Variants in INPP4B observed in about 807,000 individuals in gnomAD.
The protein encoded by INPP4B is inositol polyphosphate-4-phosphatase type II B.
In INPP4B, 55 loss-of-function variants were observed where a neutral mutation model predicts 122.5. The observed-to-expected ratio is 0.45, with a 90% confidence interval of 0.36 to 0.56. The LOEUF (loss-of-function observed/expected upper bound fraction) is 0.56, where lower values mean the gene tolerates loss of function less well. INPP4B is among the 20% of genes least tolerant of loss of function. The pLI is 0.00. For missense variants in INPP4B, 1,000 were observed against 1,097.7 expected (o/e 0.91, Z 1.26); for synonymous variants, 403 against 388.7 (o/e 1.04, Z -0.43).
intron 2 of INPP4B, among the ~76,000 whole-genome samples, chr4:142,519,711 C>A (rs1405658635): frequency 1.3e-5 from 2 of 152,104 alleles, no homozygotes; most frequent in Non-Finnish European, 2.9e-5. Context: ...GCACTCAAAG[C>A]ACATAATCTA....
intron 12 of INPP4B, among the ~76,000 whole-genome samples, chr4:142,213,523 C>G (rs930384993): frequency 1.3e-5 from 2 of 152,174 alleles, no homozygotes; most frequent in Admixed American, 1.3e-4. Flanking sequence ...TGGCTAATAT[C>G]CACTGGACAC....
At chr4:142,466,936 T>C in intron 2 of INPP4B, among the ~76,000 whole-genome samples, 1 of 152,208 alleles carries the variant, frequency 6.6e-6, no homozygotes, top group Admixed American at 6.5e-5. Flanking sequence ...AAGCCTTGGT[T>C]GCTTCTACAT....
At chr4:142,110,019 G>A (rs1279075118) in intron 22 of INPP4B, among the ~76,000 whole-genome samples, 3 of 152,092 alleles carry the variant, frequency 2.0e-5, no homozygotes, top group Non-Finnish European at 4.4e-5. Context: ...TTCAGACACT[G>A]TAATCAACTG....
At chr4:142,226,825 T>C (rs1295231349) in intron 12 of INPP4B, among the ~76,000 whole-genome samples, 1 of 152,202 alleles carries the variant, frequency 6.6e-6, no homozygotes, top group East Asian at 1.9e-4. Context: ...AGAATGTGGT[T>C]ACATGTAGTT....
At chr4:142,083,595 G>T (rs1303502458) in intron 24 of INPP4B, among the ~76,000 whole-genome samples, 1 of 152,110 alleles carries the variant, frequency 6.6e-6, no homozygotes, top group African/African-American at 2.4e-5. Context: ...GCTTTTAAAA[G>T]AAGGTAAAAT....
At chr4:142,189,164 G>C (rs1834592223) in intron 15 of INPP4B, among the ~76,000 whole-genome samples, 2 of 152,138 alleles carry the variant, frequency 1.3e-5, no homozygotes, top group Admixed American at 6.5e-5. Flanking sequence ...TGTAACCACT[G>C]ATCTTATAGG....
intron 3 of INPP4B, among the ~76,000 whole-genome samples, chr4:142,459,769 T>C (rs2149577458): frequency 6.6e-6 from 1 of 152,318 alleles, no homozygotes; most frequent in South Asian, 2.1e-4. Context: ...TGTTAGTTCA[T>C]AGCTTCACTC....
At chr4:142,510,908 G>T (rs2149865183) in intron 2 of INPP4B, among the ~76,000 whole-genome samples, 1 of 152,172 alleles carries the variant, frequency 6.6e-6, no homozygotes, top group East Asian at 1.9e-4. Context: ...TAAACCTAAA[G>T]ATCAAATACA....
At position 142,124,629 on chromosome 4, in the gene INPP4B, G is replaced by A. The variant is rs764172546; in HGVS notation, c.1852C>T (p.Leu618=). ...ATGTCTCTTCTTAGCGTCAGCATCA[G>A]ACACTGGGGCAAGCTGTACGCAAGT... The part of the protein sequence containing the change: ...QELAYSLPQC[L]MLTLRRDIVF... The change falls in exon 19 of 26, where the codon CTG becomes TTG. Residue 618 remains leucine, a synonymous_variant. Coordinates refer to ENST00000262992, the MANE Select transcript of INPP4B (RefSeq NM_001101669.3). 5 of 1,613,530 alleles carry A rather than the reference G, an allele frequency of 3.1e-6. 1 individual carries two copies. The South Asian group carries it at 4.4e-5, about 14-fold the overall frequency.
At chr4:142,117,109 G>A (rs904512111) in intron 21 of INPP4B, among the ~76,000 whole-genome samples, 5 of 151,826 alleles carry the variant, frequency 3.3e-5, no homozygotes, top group South Asian at 2.1e-4. Flanking sequence ...AAGACTAAAC[G>A]AGGAAGAAGT....
intron 11 of INPP4B, among the ~76,000 whole-genome samples, chr4:142,245,528 G>A (rs976142374): frequency 1.3e-5 from 2 of 152,026 alleles, no homozygotes; most frequent in African/African-American, 4.8e-5. Flanking sequence ...GTTCGTCAGG[G>A]ATATTGGCCT....
chr4:142,642,203 C>T lies in INPP4B; in HGVS notation c.-191+83636G>A, dbSNP rs1645197771. Among the ~76,000 whole-genome samples, 3 of 152,012 alleles carry T rather than the reference C, an allele frequency of 2.0e-5. No individual in the cohort carries two copies. In the South Asian group the frequency reaches 6.2e-4, roughly 32 times the overall value. Reference sequence around the variant, plus strand: ...GATGAGTAGATTGCAAAAATTTTCTCCCATTCTGTAGGTTGCCTGTTCACT... The same window carrying T: ...GATGAGTAGATTGCAAAAATTTTCTTCCATTCTGTAGGTTGCCTGTTCACT... On this transcript the variant is annotated intron_variant, in intron 2 of 25. Coordinates refer to ENST00000262992, the MANE Select transcript of INPP4B (RefSeq NM_001101669.3).
At chr4:142,637,502 T>C (rs974584408) in intron 2 of INPP4B, among the ~76,000 whole-genome samples, 5 of 152,206 alleles carry the variant, frequency 3.3e-5, no homozygotes, top group Admixed American at 2.0e-4. Context: ...TTTGAATTTC[T>C]TCCATGTATT....
intron 2 of INPP4B, among the ~76,000 whole-genome samples, chr4:142,615,228 G>C (rs1437520704): frequency 6.6e-6 from 1 of 152,154 alleles, no homozygotes; most frequent in Non-Finnish European, 1.5e-5. Flanking sequence ...ATCTGCAGAA[G>C]TTAGACTGCA....
intron 2 of INPP4B, among the ~76,000 whole-genome samples, chr4:142,632,779 A>G (rs1283677882): frequency 1.3e-5 from 2 of 151,980 alleles, no homozygotes; most frequent in African/African-American, 4.8e-5. Context: ...TTTCAGAAGT[A>G]AAAGATGCAT....
At chr4:142,563,694 T>C (rs1317605440) in intron 2 of INPP4B, among the ~76,000 whole-genome samples, 3 of 152,186 alleles carry the variant, frequency 2.0e-5, no homozygotes, top group Non-Finnish European at 4.4e-5. Context: ...CTAAAGAAAG[T>C]GGCAGAAATG....
At chr4:142,807,732 G>C (rs566953657) in intron 1 of INPP4B, among the ~76,000 whole-genome samples, 3 of 152,254 alleles carry the variant, frequency 2.0e-5, no homozygotes, top group African/African-American at 7.2e-5. Context: ...GTGACTTTCA[G>C]TAGCCCCTGA....
chr4:142,673,074 T>A (rs1757229007), intron 2 of INPP4B, among the ~76,000 whole-genome samples: 1 of 152,148 alleles, frequency 6.6e-6, no homozygotes, highest in African/African-American at 2.4e-5. Context: ...AAGTTACCAA[T>A]CTTTTCTAGC....
chr4:142,819,609 C>T lies in INPP4B; in HGVS notation c.-254+26600G>A, dbSNP rs140650739. ...TTGTGCTGCAAATTCTATCTGCATTCCTTTTCTCTCTGGAAAGGCATATAG... is the reference window on the plus strand; with the variant it reads ...TTGTGCTGCAAATTCTATCTGCATTTCTTTTCTCTCTGGAAAGGCATATAG... On this transcript the variant is annotated intron_variant, in intron 1 of 25. Transcript: ENST00000262992. 9.0e-3 allele frequency among the ~76,000 whole-genome samples: 1,373 copies of T among 152,214 alleles called. 13 individuals carry two copies. Among genetic ancestry groups the T allele is most frequent in the Middle Eastern group, 0.027 (8 of 294 alleles).
Sources: allele counts gnomAD v4.1 joint callset (sites outside exome capture counted in the v4.1 genomes callset), GRCh38; gene constraint gnomAD v4.1.1; transcripts MANE v1.5; gene names NCBI Gene and HGNC (gene_info 2026-07-23, HGNC 2026-07-21).